EVC2: variants seen among roughly 807,000 people sequenced by gnomAD.
The protein encoded by EVC2 is limbin.
In EVC2, 148 loss-of-function variants were observed where a neutral mutation model predicts 149.3. The ratio of observed to expected loss-of-function variants is 0.99; its 90% CI spans 0.87 to 1.14. The LOEUF (loss-of-function observed/expected upper bound fraction) is 1.14. Among genes scored for constraint, EVC2 ranks in the 50% most tolerant of loss-of-function variants. The probability of loss-of-function intolerance (pLI) is 0.00; values close to 1 mark genes in which losing one functional copy is unlikely to be tolerated. For synonymous variants in EVC2, 776 were observed against 649.9 expected, an observed-to-expected ratio of 1.19 and a Z score of -2.95; for missense variants, 1,854 against 1,627.3, an observed-to-expected ratio of 1.14 and a Z score of -2.40.
At position 5,576,580 on chromosome 4, in the gene EVC2, C is replaced by A. The variant is rs563616602; in HGVS notation, c.3058-126G>T. ...ACTCTGTCTTGCCTGGTTCCCCATC[C>A]AGCTGTGCCACATGGTGCAATGTGA... On this transcript the variant is annotated intron_variant, in intron 17 of 21. Coordinates refer to ENST00000344408, the MANE Select transcript of EVC2 (RefSeq NM_147127.5). The surrounding 1 kb of genome is among the most constrained non-coding windows in gnomAD (Gnocchi z 4.5). 573 of 1,506,406 alleles carry A rather than the reference C, an allele frequency of 3.8e-4. No individual in the cohort carries two copies. Among genetic ancestry groups the A allele is most frequent in the Non-Finnish European group, 3.2e-4 (360 of 1,123,168 alleles). 93.3% of individuals were successfully genotyped at this position (1,506,406 alleles called of 1,614,324 possible). A position where few individuals can be genotyped will look rare whatever the true frequency, so the allele number is the denominator to read the frequency against.
At chr4:5,534,012 G>A in the EVC2 span, among the ~76,000 whole-genome samples, 1 of 152,200 alleles carries the variant, frequency 6.6e-6, no homozygotes, top group African/African-American at 2.4e-5. Context: ...ATCCTTCACG[G>A]TCTCATAGGC....
In EVC2 at chr4:5,576,510, G is replaced by C. The variant is rs1334654465; in HGVS notation, c.3058-56C>G. The C allele has an allele frequency of 6.5e-7, 1 of 1,540,100 alleles. No homozygotes were observed. Among genetic ancestry groups the C allele is most frequent in the East Asian group, 2.4e-5 (1 of 40,940 alleles). Reference sequence around the variant, plus strand: ...CACTGCACAAGGCGGGTGGGGTGGAGGACAAAATCTGACCTCCTGGGTGTC... The same window carrying C: ...CACTGCACAAGGCGGGTGGGGTGGACGACAAAATCTGACCTCCTGGGTGTC... On this transcript the variant is annotated intron_variant, in intron 17 of 21. Transcript: ENST00000344408. This position sits in a 1 kb window ranked among gnomAD's most constrained non-coding sequence, Gnocchi z 4.5.
At chr4:5,541,830 C>T (rs1023572593), downstream of EVC2, among the ~76,000 whole-genome samples, 6 of 152,252 alleles carry the variant, frequency 3.9e-5, no homozygotes, top group Admixed American at 6.5e-5. Flanking sequence ...GCCTGTTCTA[C>T]GTAATAAGAC....
chr4:5,692,105 C>A (rs1242230814), intron 3 of EVC2, among the ~76,000 whole-genome samples: 1 of 152,202 alleles, frequency 6.6e-6, no homozygotes, highest in Non-Finnish European at 1.5e-5. Context: ...GCACCTGTCA[C>A]CTGCAGTGGA....
intron 19 of EVC2, among the ~76,000 whole-genome samples, chr4:5,571,317 CA>C (rs1208168465): frequency 1.3e-4 from 10 of 78,492 alleles, no homozygotes; most frequent in Non-Finnish European, 1.5e-4. Flanking sequence ...GACTCCATCT[CA>C]AAAAAAAAAA....
intron 17 of EVC2, among the ~76,000 whole-genome samples, chr4:5,581,167 T>C (rs1367558757): frequency 6.6e-6 from 1 of 152,198 alleles, no homozygotes; most frequent in African/African-American, 2.4e-5. Flanking sequence ...TATTTCTTTA[T>C]AGCAATGTGA....
chr4:5,634,663 C>T (rs1372777301), intron 10 of EVC2, among the ~76,000 whole-genome samples: 1 of 152,140 alleles, frequency 6.6e-6, no homozygotes, highest in East Asian at 1.9e-4. Flanking sequence ...ACTCCCATGC[C>T]CACTTCAAAA....
At chr4:5,639,144 G>A (rs1054703074) in intron 10 of EVC2, among the ~76,000 whole-genome samples, 10 of 152,046 alleles carry the variant, frequency 6.6e-5, no homozygotes, top group African/African-American at 1.4e-4. Flanking sequence ...TGTGAGTCAC[G>A]AGTTGTTAAC....
At chr4:5,663,892 T>G (rs60046860) in intron 8 of EVC2, among the ~76,000 whole-genome samples, 56,450 of 151,662 alleles carry the variant, frequency 0.37, 11,193 homozygotes, top group African/African-American at 0.52. Context: ...CTGCACTCCA[T>G]CCTGGGAGAC....
At chr4:5,631,470 C>T (rs1355227379) in intron 11 of EVC2, among the ~76,000 whole-genome samples, 2 of 152,164 alleles carry the variant, frequency 1.3e-5, no homozygotes, top group Admixed American at 1.3e-4. Flanking sequence ...TTCCATCACA[C>T]CCTCGTGGGT....
intron 17 of EVC2, 54 bp downstream of exon 17, chr4:5,584,569 G>T: frequency 6.5e-7 from 1 of 1,544,788 alleles, no homozygotes; most frequent in East Asian, 2.3e-5. Flanking sequence ...TGCAGAGGTA[G>T]GTACCAGAAA....
intron 16 of EVC2, among the ~76,000 whole-genome samples, chr4:5,602,816 T>C (rs10016657): frequency 0.12 from 18,964 of 151,946 alleles, 2,578 homozygotes; most frequent in African/African-American, 0.34. Context: ...AGGAAATAGA[T>C]AGGAAAAGGA....
chr4:5,535,078 C>G, the EVC2 span, among the ~76,000 whole-genome samples: 6 of 152,148 alleles, frequency 3.9e-5, no homozygotes, highest in Admixed American at 3.9e-4. This position sits in a 1 kb window ranked among gnomAD's most constrained non-coding sequence, Gnocchi z 4.7. Context: ...ATTAAAGACC[C>G]GCCACCCCCA....
At chr4:5,575,496 G>A (rs1031677986) in intron 18 of EVC2, among the ~76,000 whole-genome samples, 1 of 152,186 alleles carries the variant, frequency 6.6e-6, no homozygotes, top group African/African-American at 2.4e-5. Flanking sequence ...AGAAGAGCGT[G>A]ATAGGATGAA....
At chr4:5,620,515 C>T (rs1450193637) in intron 14 of EVC2, among the ~76,000 whole-genome samples, 1 of 152,180 alleles carries the variant, frequency 6.6e-6, no homozygotes, top group African/African-American at 2.4e-5. Context: ...GTAACCCTAT[C>T]TTGGTTGAAA....
intron 15 of EVC2, among the ~76,000 whole-genome samples, chr4:5,616,792 G>A (rs1715289209): frequency 2.0e-5 from 3 of 152,168 alleles, no homozygotes; most frequent in South Asian, 4.1e-4. Flanking sequence ...AGAATGTGGA[G>A]CGAGCACCTT....
chr4:5,634,070 A>T (rs1716733605), intron 10 of EVC2, among the ~76,000 whole-genome samples: 1 of 152,258 alleles, frequency 6.6e-6, no homozygotes. Flanking sequence ...CTAGTGGATG[A>T]CAGCAGGGGC....
chr4:5,708,416 G>C lies in EVC2; in HGVS notation c.98C>G (p.Ala33Gly). Reference protein sequence around the residue: ...LALGGRGCLGASSRPRWRPLG... With the variant: ...LALGGRGCLGGSSRPRWRPLG... ...GGGGCGCCAGCGGGGACGTGAGCTG[G>C]CGCCGAGACAGCCTCGGCCCCCCAG... Residue 33 changes from alanine (A) to glycine (G), a missense_variant, in exon 1 of 22, where the codon GCC (alanine) becomes GGC (glycine). Coordinates refer to ENST00000344408, the MANE Select transcript of EVC2 (RefSeq NM_147127.5). The C allele has an allele frequency of 6.7e-7, 1 of 1,503,058 alleles. No individual in the cohort carries two copies. The highest frequency in any genetic ancestry group is 8.8e-7 in the Non-Finnish European group (1 of 1,133,268). The allele number at this position is 1,503,058 out of a possible 1,614,324, so 93.1% of individuals were successfully genotyped here.
intron 16 of EVC2, among the ~76,000 whole-genome samples, chr4:5,591,951 A>G (rs1046723138): frequency 2.0e-5 from 3 of 152,236 alleles, no homozygotes; most frequent in Non-Finnish European, 4.4e-5. Context: ...GATTTCAAAC[A>G]AAAAGTTTTT....
Sources: gnomAD v4.1 joint callset for allele counts (sites outside exome capture counted in the v4.1 genomes callset) on GRCh38, gnomAD v4.1.1 for gene constraint, Gnocchi (gnomAD v3.1) non-coding constraint, MANE v1.5 for transcripts, NCBI Gene and HGNC (gene_info 2026-07-23, HGNC 2026-07-21) for gene names.